Variants in ASGR1 observed in about 807,000 individuals in gnomAD.
The protein encoded by ASGR1 is C-type lectin domain family 4 member H1.
ASGR1 carries 35 observed loss-of-function variants against 33.1 expected under a neutral mutation model. The ratio of observed to expected loss-of-function variants is 1.06; its 90% CI spans 0.81 to 1.40. ASGR1 has a LOEUF of 1.40. Ranked by LOEUF, ASGR1 falls within the 40% of genes most tolerant of loss-of-function variation. ASGR1 has a pLI of 0.00. For missense variants in ASGR1, 396 were observed against 373.7 expected (o/e 1.06, Z -0.49); for synonymous variants, 142 against 152.5 (o/e 0.93, Z 0.51).
rs554673961 is a variant in ASGR1, at chr17:7,178,364, T to G, written c.70+130A>C. The G allele has an allele frequency of 2.1e-5, 20 of 970,380 alleles. No homozygotes were observed. The East Asian group carries it at 4.5e-4, about 22-fold the overall frequency. 60.1% of individuals were successfully genotyped at this position (970,380 alleles called of 1,614,324 possible). A position where few individuals can be genotyped will look rare whatever the true frequency, so the allele number is the denominator to read the frequency against. ...CTGAGAGAGGCAGTTCCGACACCTT[T>G]CCCAGTGTTGGGGGAGGGAGACAGA... On this transcript the variant is annotated intron_variant, in intron 2 of 8. Transcript: ENST00000269299.
chr17:7,175,570 ACACTCACATG>A (rs1019230991), intron 5 of ASGR1, among the ~76,000 whole-genome samples: 7 of 150,196 alleles, frequency 4.7e-5, no homozygotes, highest in South Asian at 4.2e-4. Flanking sequence ...GCACATACAC[ACACTCACATG>A]CACTTACACA....
At chr17:7,178,733 C>CTTTTTTTTT (rs1037452405) in intron 1 of ASGR1, 145 bp from the exon 2 acceptor site, 22 of 193,100 alleles carry the variant, frequency 1.1e-4, no homozygotes, top group African/African-American at 4.1e-4. Context: ...TCTTTTTTTT[C>CTTTTTTTTT]TTTTCTTTTT....
chr17:7,174,335 AG>A (rs760058896), intron 6 of ASGR1, 38 bp downstream of exon 6: 49 of 1,613,606 alleles, frequency 3.0e-5, no homozygotes, highest in Non-Finnish European at 4.1e-5. Context: ...TGCCCAGAGA[AG>A]GGGGGAGGCA....
intron 1 of ASGR1, 136 bp from the exon 2 acceptor site, chr17:7,178,724 CTTTTTTTTCTTTTCT>C: frequency 3.3e-5 from 14 of 427,372 alleles, no homozygotes; most frequent in South Asian, 1.3e-4. Flanking sequence ...TTTTCTTTTT[CTTTTTTTTCTTTTCT>C]TTTTTTTTTT....
At chr17:7,175,110 AACAC>A (rs916644510) in intron 5 of ASGR1, among the ~76,000 whole-genome samples, 3 of 136,068 alleles carry the variant, frequency 2.2e-5, no homozygotes, top group African/African-American at 5.6e-5. Flanking sequence ...AAAACACACA[AACAC>A]ACAACACACC....
chr17:7,174,123 C>T lies in ASGR1; in HGVS notation c.594+15G>A, dbSNP rs560189186. 2 of 1,614,038 alleles carry T rather than the reference C, an allele frequency of 1.2e-6. No individual in the cohort carries two copies. The highest frequency in any genetic ancestry group is 1.3e-5 in the African/African-American group (1 of 75,074). On this transcript the variant is annotated intron_variant, in intron 7 of 8. Transcript: ENST00000269299. ...TCCGAGGCCAGCCAGCCTCCCAGAC[C>T]CTCCGGGTCCTCACCTGCTCCTCCC...
At chr17:7,176,185 ACT>A (rs1227950000) in intron 5 of ASGR1, among the ~76,000 whole-genome samples, 15 of 143,002 alleles carry the variant, frequency 1.0e-4, no homozygotes, top group South Asian at 2.2e-4. Context: ...TCATTCTCAC[ACT>A]CACACACACC....
chr17:7,174,955 GACAC>G (rs779738748), intron 5 of ASGR1, among the ~76,000 whole-genome samples: 1 of 117,146 alleles, frequency 8.5e-6, no homozygotes, highest in Non-Finnish European at 1.8e-5. Flanking sequence ...CACACCCACA[GACAC>G]ACAACACACC....
intron 5 of ASGR1, 130 bp downstream of exon 5, chr17:7,176,700 A>C: frequency 3.7e-6 from 5 of 1,350,040 alleles, no homozygotes; most frequent in Non-Finnish European, 5.1e-6. Context: ...TCTCACACAC[A>C]GACTCACACA....
chr17:7,176,014 ACT>A (rs1222588184), intron 5 of ASGR1, among the ~76,000 whole-genome samples: 13 of 143,006 alleles, frequency 9.1e-5, no homozygotes, highest in East Asian at 4.0e-4. Flanking sequence ...ATAAACACAG[ACT>A]CACACTCGTA....
chr17:7,174,379 C>T lies in ASGR1; in HGVS notation c.437G>A (p.Gly146Asp), dbSNP rs775421772. ...SLSCQMAALQ[G>D]NGSERTCCPV... ...GGCCGGGCTGGCCTCCTTACCATTG[C>T]CCTGGAGCGCCGCCATCTGACAGCT... Residue 146 changes from glycine to aspartate, a missense_variant, in exon 6 of 9, where the codon GGC becomes GAC. Gly to Asp is a moderately conservative substitution (Grantham distance 94, BLOSUM62 -1). Transcript: ENST00000269299. 5 of 1,613,826 alleles carry T rather than the reference C, an allele frequency of 3.1e-6. No individual in the cohort carries two copies. The highest frequency in any genetic ancestry group is 4.2e-6 in the Non-Finnish European group (5 of 1,179,960).
rs112149754 is a variant in ASGR1 at position 7,176,873 on chromosome 17, C to G, written c.312G>C (p.Ser104=). 4 of 1,613,208 alleles carry G rather than the reference C, an allele frequency of 2.5e-6. 1 individual carries two copies. In the South Asian group the frequency reaches 3.3e-5, roughly 13 times the overall value. Residue 104 remains serine (S), a synonymous_variant, in exon 5 of 9, where the codon TCG becomes TCC. Coordinates refer to ENST00000269299, the MANE Select transcript of ASGR1 (RefSeq NM_001671.5). ...GCTGTTTCTCCAGCTGGGACTCTAG[C>G]GACTTCATCTTTCTTCCCACATTGC... ...QGGNVGRKMK[S]LESQLEKQQK...
rs112149754 is a variant in ASGR1 at position 7,176,873 on chromosome 17, C to T, written c.312G>A (p.Ser104=). ...QGGNVGRKMK[S]LESQLEKQQK... is the part of the protein sequence containing the mutation. ...GCTGTTTCTCCAGCTGGGACTCTAGCGACTTCATCTTTCTTCCCACATTGC... is the reference window on the plus strand; with the variant it reads ...GCTGTTTCTCCAGCTGGGACTCTAGTGACTTCATCTTTCTTCCCACATTGC... The change falls in exon 5 of 9, where the codon TCG becomes TCA. Residue 104 remains serine (S), a synonymous_variant. Transcript: ENST00000269299. 2.2e-5 allele frequency: 36 copies of T among 1,613,206 alleles called. No homozygotes were observed. Among genetic ancestry groups the T allele is most frequent in the Non-Finnish European group, 1.4e-5 (16 of 1,180,010 alleles).
intron 5 of ASGR1, among the ~76,000 whole-genome samples, chr17:7,176,463 CCACAGACTGTCT>C (rs2069210764): frequency 1.4e-5 from 2 of 143,940 alleles, no homozygotes; most frequent in African/African-American, 5.2e-5. Flanking sequence ...CCTCTCATTC[CCACAGACTGTCT>C]CACACACACT....
At chr17:7,178,733 C>CTTTTTTTTTTT (rs1037452405) in intron 1 of ASGR1, 145 bp from the exon 2 acceptor site, 11 of 193,090 alleles carry the variant, frequency 5.7e-5, no homozygotes, top group South Asian at 8.3e-5. Context: ...TCTTTTTTTT[C>CTTTTTTTTTTT]TTTTCTTTTT....
intron 5 of ASGR1, 38 bp from the exon 6 acceptor site, chr17:7,174,498 G>A (rs757753932): frequency 6.9e-6 from 11 of 1,590,348 alleles, no homozygotes; most frequent in Non-Finnish European, 9.4e-6. Flanking sequence ...GAGGAGATGC[G>A]GAAACCACGG....
intron 2 of ASGR1, 138 bp from the exon 3 acceptor site, chr17:7,177,464 G>A (rs1317211748): frequency 1.7e-5 from 11 of 666,124 alleles, no homozygotes; most frequent in Non-Finnish European, 2.5e-5. Context: ...CGGGCGGTGG[G>A]CGACCCTGCA....
At chr17:7,175,646 GAC>G (rs1049639415) in intron 5 of ASGR1, among the ~76,000 whole-genome samples, 14 of 146,696 alleles carry the variant, frequency 9.5e-5, no homozygotes, top group South Asian at 2.2e-4. Flanking sequence ...CACATACACT[GAC>G]ACATTCTCAC....
At chr17:7,175,943 G>A (rs899291743) in intron 5 of ASGR1, among the ~76,000 whole-genome samples, 4 of 125,516 alleles carry the variant, frequency 3.2e-5, no homozygotes, top group Admixed American at 8.2e-5. Flanking sequence ...CCCCACACAC[G>A]CAACACACAC....
Sources: gnomAD v4.1 joint callset for allele counts (sites outside exome capture counted in the v4.1 genomes callset) on GRCh38, gnomAD v4.1.1 for gene constraint, MANE v1.5 for transcripts, NCBI Gene and HGNC (gene_info 2026-07-23, HGNC 2026-07-21) for gene names.